CACNA2D3: variants seen among roughly 807,000 people sequenced by gnomAD.
CACNA2D3 encodes voltage-dependent calcium channel subunit alpha-2/delta-3.
A neutral mutation model predicts 160.6 loss-of-function variants in CACNA2D3; 60 were observed. The observed-to-expected ratio is 0.37, with a 90% CI of 0.30 to 0.46. CACNA2D3 has a LOEUF of 0.46. Ranked by LOEUF, CACNA2D3 falls within the 20% of genes least tolerant of loss-of-function variation. CACNA2D3 has a pLI of 1.00. For missense variants in CACNA2D3, 1,205 were observed against 1,365.0 expected (o/e 0.88, Z 1.85); for synonymous variants, 558 against 492.9 (o/e 1.13, Z -1.75).
At chr3:54,952,779 C>T (rs1035199278) in intron 27 of CACNA2D3, among the ~76,000 whole-genome samples, 39 of 152,174 alleles carry the variant, frequency 2.6e-4, no homozygotes, top group African/African-American at 9.2e-4. Context: ...TCAATGCCCT[C>T]AGCTGTAGAA....
intron 11 of CACNA2D3, among the ~76,000 whole-genome samples, chr3:54,696,970 GCT>G (rs1048482744): frequency 1.7e-4 from 26 of 152,092 alleles, no homozygotes; most frequent in African/African-American, 6.0e-4. Context: ...GTGCTCTGGA[GCT>G]CTCTTAAAAA....
intron 27 of CACNA2D3, among the ~76,000 whole-genome samples, chr3:54,936,944 G>A (rs1701343547): frequency 6.6e-6 from 1 of 152,150 alleles, no homozygotes; most frequent in Non-Finnish European, 1.5e-5. Flanking sequence ...ATGTTTATAA[G>A]TTCCTATCCA....
At chr3:54,415,701 T>C (rs1386712338) in intron 4 of CACNA2D3, among the ~76,000 whole-genome samples, 1 of 152,206 alleles carries the variant, frequency 6.6e-6, no homozygotes, top group African/African-American at 2.4e-5. Context: ...CCTATAATCC[T>C]GTGGGGTAGA....
intron 2 of CACNA2D3, among the ~76,000 whole-genome samples, chr3:54,236,133 G>C (rs2107400417): frequency 6.6e-6 from 1 of 152,214 alleles, no homozygotes; most frequent in Middle Eastern, 3.4e-3. Flanking sequence ...TACCTGACCA[G>C]TACTTCTCAA....
chr3:54,248,429 T>C (rs957130274), intron 2 of CACNA2D3, among the ~76,000 whole-genome samples: 14 of 142,176 alleles, frequency 9.8e-5, no homozygotes, highest in African/African-American at 3.7e-4. Flanking sequence ...TGCAATGAGC[T>C]GAGATTGTGC....
intron 5 of CACNA2D3, among the ~76,000 whole-genome samples, chr3:54,548,462 A>G (rs2106679087): frequency 6.6e-6 from 1 of 152,308 alleles, no homozygotes; most frequent in South Asian, 2.1e-4. Flanking sequence ...TCTTTATTCT[A>G]CTACCCCATT....
At chr3:54,235,984 C>T (rs971094301) in intron 2 of CACNA2D3, among the ~76,000 whole-genome samples, 3 of 152,192 alleles carry the variant, frequency 2.0e-5, no homozygotes, top group Admixed American at 6.5e-5. Context: ...TGAGAAGTCA[C>T]ATTAATAGCA....
intron 35 of CACNA2D3, among the ~76,000 whole-genome samples, chr3:55,049,672 C>G (rs1026345939): frequency 6.8e-6 from 1 of 146,654 alleles, no homozygotes; most frequent in African/African-American, 2.6e-5. Flanking sequence ...GACTTTCTGT[C>G]TCGTTGATCT....
intron 3 of CACNA2D3, among the ~76,000 whole-genome samples, chr3:54,363,475 A>G (rs1391010128): frequency 6.6e-6 from 1 of 152,146 alleles, no homozygotes; most frequent in Non-Finnish European, 1.5e-5. Flanking sequence ...CTGGGTTAAA[A>G]TAATAGCTGA....
intron 3 of CACNA2D3, among the ~76,000 whole-genome samples, chr3:54,372,344 G>C (rs1698939090): frequency 6.6e-6 from 1 of 152,176 alleles, no homozygotes; most frequent in Admixed American, 6.5e-5. Flanking sequence ...GGCAGAGAGG[G>C]GAGCATGGAG....
chr3:54,294,337 A>G (rs924146639), intron 2 of CACNA2D3, among the ~76,000 whole-genome samples: 1 of 152,170 alleles, frequency 6.6e-6, no homozygotes, highest in African/African-American at 2.4e-5. Flanking sequence ...GGTATGCGAC[A>G]AAGTTTTTCG....
intron 2 of CACNA2D3, among the ~76,000 whole-genome samples, chr3:54,230,941 T>G (rs1466681043): frequency 6.6e-6 from 1 of 152,228 alleles, no homozygotes; most frequent in Non-Finnish European, 1.5e-5. Flanking sequence ...ATGGGGTCTA[T>G]CGCCAAAAGA....
intron 11 of CACNA2D3, among the ~76,000 whole-genome samples, chr3:54,700,572 A>G (rs1222489805): frequency 1.3e-5 from 2 of 152,258 alleles, no homozygotes; most frequent in East Asian, 3.8e-4. Flanking sequence ...GATGTTTCAA[A>G]TAAGTGACAG....
chr3:54,778,744 A>G (rs1310868537), intron 13 of CACNA2D3, among the ~76,000 whole-genome samples: 2 of 152,208 alleles, frequency 1.3e-5, no homozygotes, highest in Non-Finnish European at 2.9e-5. Context: ...AGACTCAGAG[A>G]TCCAAAGGTT....
intron 2 of CACNA2D3, among the ~76,000 whole-genome samples, chr3:54,301,278 C>CAACA (rs1019102023): frequency 2.8e-5 from 4 of 144,698 alleles, no homozygotes; most frequent in Non-Finnish European, 6.0e-5. Flanking sequence ...ACAACAACAA[C>CAACA]AACAAACAAA....
chr3:54,382,729 A>G (rs1452486265), intron 3 of CACNA2D3, among the ~76,000 whole-genome samples: 3 of 152,252 alleles, frequency 2.0e-5, no homozygotes, highest in Admixed American at 1.3e-4. Context: ...GCTTGCAGTG[A>G]GCCGAGATCA....
At chr3:54,328,325 A>G (rs908293602) in intron 3 of CACNA2D3, among the ~76,000 whole-genome samples, 1 of 152,164 alleles carries the variant, frequency 6.6e-6, no homozygotes, top group Admixed American at 6.5e-5. Flanking sequence ...CTTGTTGCCC[A>G]GGCTGGAGTG....
chr3:54,604,464 C>G (rs1703121486), intron 9 of CACNA2D3, among the ~76,000 whole-genome samples: 1 of 152,112 alleles, frequency 6.6e-6, no homozygotes, highest in Non-Finnish European at 1.5e-5. Flanking sequence ...AAACCAAACT[C>G]TTGGCCTTAC....
chr3:54,288,217 G>A (rs1703083986), intron 2 of CACNA2D3, among the ~76,000 whole-genome samples: 1 of 152,116 alleles, frequency 6.6e-6, no homozygotes, highest in Admixed American at 6.6e-5. Flanking sequence ...TCAAACAGAT[G>A]CAATAAAAAA....
Sources: allele counts gnomAD v4.1 joint callset (sites outside exome capture counted in the v4.1 genomes callset), GRCh38; gene constraint gnomAD v4.1.1; transcripts MANE v1.5; gene names NCBI Gene and HGNC (gene_info 2026-07-23, HGNC 2026-07-21).